The following RIPOR3 variants were observed in gnomAD, a reference collection of about 807,000 sequenced individuals.
RIPOR3 encodes family with sequence similarity 65 member C.
In RIPOR3, 95 loss-of-function variants were observed where a neutral mutation model predicts 114.3. The observed-to-expected ratio is 0.83, with a 90% CI of 0.70 to 0.99. The LOEUF (loss-of-function observed/expected upper bound fraction) is 0.99, where lower values mean the gene tolerates loss of function less well. Ranked by LOEUF, RIPOR3 falls within the 50% of genes least tolerant of loss-of-function variation. The pLI is 0.00. For missense variants in RIPOR3, 1,252 were observed against 1,266.9 expected (o/e 0.99, Z 0.18); for synonymous variants, 575 against 543.8 (o/e 1.06, Z -0.80).
Position 50,602,258 on chromosome 20 carries a change from G to A in RIPOR3, c.1473C>T (p.Ser491=), listed in dbSNP as rs368287723. Residue 491 remains serine (S), a synonymous_variant, in exon 13 of 22, where the codon AGC becomes AGT. Coordinates refer to ENST00000327979, the MANE Select transcript of RIPOR3 (RefSeq NM_001290268.2). This position sits in a 1 kb window ranked among gnomAD's most constrained non-coding sequence, Gnocchi z 4.3. ...PSLPQGSLFH[S]GTASSSQNGH... ...CGTTCTGGCTACTCGAGGCTGTGCC[G>A]CTGTGGAACAGGGAGCCCTGTGGCA... 30 of 1,613,732 alleles carry A rather than the reference G, an allele frequency of 1.9e-5. No individual in the cohort carries two copies. Among genetic ancestry groups the A allele is most frequent in the Admixed American group, 6.7e-5 (4 of 59,994 alleles).
chr20:50,587,143 C>G lies in RIPOR3; in HGVS notation c.*89G>C, dbSNP rs2082944399. 3 of 999,016 alleles carry G rather than the reference C, an allele frequency of 3.0e-6. No homozygotes were observed. The highest frequency in any genetic ancestry group is 4.7e-6 in the Non-Finnish European group (3 of 641,690). The allele number at this position is 999,016 out of a possible 1,614,324, so 61.9% of individuals were successfully genotyped here. ...CAGCTCACACTCCTGGAGGAGTGCA[C>G]AGCACCATTACCCAGAGTGCAGGCT... On this transcript the variant is annotated 3_prime_UTR_variant, in exon 22 of 22. Transcript: ENST00000327979.
chr20:50,617,416 T>C (rs1379661406), intron 3 of RIPOR3, among the ~76,000 whole-genome samples: 1 of 152,046 alleles, frequency 6.6e-6, no homozygotes, highest in Non-Finnish European at 1.5e-5. Context: ...CTATCGTCCA[T>C]GCACATCCCA....
chr20:50,604,615 A>G, intron 12 of RIPOR3, 30 bp downstream of exon 12: 1 of 1,589,762 alleles, frequency 6.3e-7, no homozygotes, highest in Non-Finnish European at 8.5e-7. Context: ...GGGTGACCAC[A>G]GCGGCCCTGC....
At chr20:50,608,579 G>T (rs1468109203) in intron 10 of RIPOR3, 34 bp downstream of exon 10, 20 of 1,613,556 alleles carry the variant, frequency 1.2e-5, no homozygotes, top group Non-Finnish European at 1.7e-5. Context: ...GAACACCCAG[G>T]CACCCCAGCC....
At chr20:50,673,003 G>A (rs2086571033) in intron 1 of RIPOR3, among the ~76,000 whole-genome samples, 1 of 152,202 alleles carries the variant, frequency 6.6e-6, no homozygotes, top group Non-Finnish European at 1.5e-5. Flanking sequence ...AAGCTGGGTG[G>A]CAACCAACCC....
chr20:50,631,739 C>G (rs111537054), intron 1 of RIPOR3, among the ~76,000 whole-genome samples: 17 of 152,352 alleles, frequency 1.1e-4, no homozygotes, highest in African/African-American at 3.8e-4. Flanking sequence ...AACCCCGAGC[C>G]CTGGCTGTCT....
At chr20:50,642,584 C>T (rs2085243372) in intron 1 of RIPOR3, among the ~76,000 whole-genome samples, 1 of 150,332 alleles carries the variant, frequency 6.7e-6, no homozygotes, top group Non-Finnish European at 1.5e-5. Context: ...CAGGGTATGT[C>T]TCCATCTCCC....
rs1478219752 is a variant in RIPOR3 at position 50,595,356 on chromosome 20, G to A, written c.2050+13C>T. 13 of 1,609,162 alleles carry A rather than the reference G, an allele frequency of 8.1e-6. No homozygotes were observed. Among genetic ancestry groups the A allele is most frequent in the Non-Finnish European group, 1.1e-5 (13 of 1,176,226 alleles). ...TCACATAGGCAGCCCCTGGGTGGCA[G>A]GCAGCTACTTACTCTCTTCAATGGA... On this transcript the variant is annotated intron_variant, in intron 16 of 21. Coordinates refer to ENST00000327979, the MANE Select transcript of RIPOR3 (RefSeq NM_001290268.2).
chr20:50,633,422 G>T (rs1442489187), intron 1 of RIPOR3, among the ~76,000 whole-genome samples: 1 of 152,140 alleles, frequency 6.6e-6, no homozygotes, highest in Non-Finnish European at 1.5e-5. Context: ...CTGTCTGCTG[G>T]TTGTTAAACA....
chr20:50,625,442 G>A (rs553439382), intron 2 of RIPOR3, among the ~76,000 whole-genome samples: 1 of 152,298 alleles, frequency 6.6e-6, no homozygotes, highest in South Asian at 2.1e-4. Context: ...AGGCCCCCTG[G>A]TACCGTCCAG....
intron 4 of RIPOR3, among the ~76,000 whole-genome samples, chr20:50,615,290 G>A (rs374143370): frequency 1.3e-5 from 2 of 151,886 alleles, no homozygotes; most frequent in South Asian, 2.1e-4. Context: ...TTGGGAGGCC[G>A]ACACAGGAGG....
chr20:50,613,971 G>A (rs564789927), intron 4 of RIPOR3, among the ~76,000 whole-genome samples: 1 of 152,276 alleles, frequency 6.6e-6, no homozygotes, highest in East Asian at 1.9e-4. Flanking sequence ...CCACCCCGAG[G>A]CCCTCTCTGC....
intron 1 of RIPOR3, among the ~76,000 whole-genome samples, chr20:50,686,021 A>C (rs1377793871): frequency 6.6e-6 from 1 of 152,084 alleles, no homozygotes; most frequent in Non-Finnish European, 1.5e-5. Flanking sequence ...ATAGGAATGA[A>C]GTGAATGAAT....
chr20:50,682,185 C>A (rs6012994), intron 1 of RIPOR3, among the ~76,000 whole-genome samples: 101,663 of 152,064 alleles, frequency 0.67, 35,359 homozygotes, highest in Non-Finnish European at 0.76. Context: ...ATGGAAACAA[C>A]CCACATGGTC....
chr20:50,630,734 T>G lies in RIPOR3; in HGVS notation c.122+4A>C. On this transcript the variant is annotated splice_donor_region_variant and intron_variant, in intron 2 of 21. Transcript: ENST00000327979. ...CCCCGAAACAGGACACGGGGGGAAC[T>G]TACGCGATCCTCCGGCTCTGTGCAC... is the stretch of plus-strand genomic sequence containing the variant. 6.2e-7 allele frequency: 1 copy of G among 1,602,676 alleles called. No individual in the cohort carries two copies. The highest frequency in any genetic ancestry group is 8.5e-7 in the Non-Finnish European group (1 of 1,174,400).
chr20:50,593,484 T>C (rs560796407), intron 17 of RIPOR3, among the ~76,000 whole-genome samples: 3 of 152,050 alleles, frequency 2.0e-5, no homozygotes, highest in African/African-American at 7.2e-5. Context: ...GGCAGGAGAA[T>C]CGCTTGAACC....
At chr20:50,588,311 G>A (rs970447597) in intron 20 of RIPOR3, among the ~76,000 whole-genome samples, 1 of 151,536 alleles carries the variant, frequency 6.6e-6, no homozygotes, top group Non-Finnish European at 1.5e-5. Context: ...ACCGGCATGC[G>A]CTGCAGCGCC....
At position 50,604,631 on chromosome 20, in the gene RIPOR3, G is replaced by C. The variant is rs73908786; in HGVS notation, c.1086+14C>G. The C allele has an allele frequency of 6.7e-4, 1,071 of 1,601,936 alleles. 9 individuals carry two copies. The African/African-American group carries it at 0.013, about 19-fold the overall frequency. On this transcript the variant is annotated intron_variant, in intron 12 of 21. Transcript: ENST00000327979. ...GGTGACCACAGCGGCCCTGCCCCGG[G>C]AAGGCTCACTCACCAGGTAGTATCT...
intron 16 of RIPOR3, chr20:50,594,965 C>G: frequency 1.9e-6 from 1 of 526,960 alleles, no homozygotes; most frequent in East Asian, 3.1e-5. Flanking sequence ...TCCTTACAGA[C>G]AAGGAACCTG....
Sources: allele counts gnomAD v4.1 joint callset (sites outside exome capture counted in the v4.1 genomes callset), GRCh38; gene constraint gnomAD v4.1.1; non-coding constraint Gnocchi (gnomAD v3.1); transcripts MANE v1.5; gene names NCBI Gene and HGNC (gene_info 2026-07-23, HGNC 2026-07-21).